The following PHF3 variants were observed in gnomAD, a reference collection of about 807,000 sequenced individuals.
PHF3 encodes the protein PHD finger protein 3.
Under a neutral mutation model 178.4 loss-of-function variants are expected in PHF3, and 41 were observed. That is an observed-to-expected ratio of 0.23 (90% CI 0.18 to 0.30). The LOEUF (loss-of-function observed/expected upper bound fraction) is 0.30, where lower values mean the gene tolerates loss of function less well. Among genes scored for constraint, PHF3 ranks in the 10% least tolerant of loss-of-function variants. The pLI is 1.00. For missense variants in PHF3, 2,346 were observed against 2,398.1 expected (o/e 0.98, Z 0.45); for synonymous variants, 842 against 800.5 (o/e 1.05, Z -0.88).
intron 14 of PHF3, among the ~76,000 whole-genome samples, chr6:63,709,741 A>G (rs938114995): frequency 1.3e-5 from 2 of 152,212 alleles, no homozygotes; most frequent in African/African-American, 2.4e-5. Context: ...ACCTAGTCAC[A>G]TAGCCATCCA....
rs781413781 is a variant in PHF3 at position 63,646,759 on chromosome 6, A to G, written c.208A>G (p.Ser70Gly). The G allele has an allele frequency of 4.5e-6, 7 of 1,570,622 alleles. No homozygotes were observed. The highest frequency in any genetic ancestry group is 6.0e-6 in the Non-Finnish European group (7 of 1,158,706). ...SNQFCLPVLD[S>G]NDPNFQMPCS... ...CCAGTTCTGTTTGCCTGTTTTGGATAGCAATGATCCCAATTTCCAGATGCC... is the reference window on the plus strand; with the variant it reads ...CCAGTTCTGTTTGCCTGTTTTGGATGGCAATGATCCCAATTTCCAGATGCC... Residue 70 changes from serine to glycine, a missense_variant, in exon 2 of 16, where the codon AGC becomes GGC. Physicochemically the swap from Ser to Gly is moderately conservative, Grantham distance 56. Around this residue, in one of 8 missense-constraint regions of PHF3, gnomAD observed 843 missense variants for 795.2 expected, o/e 1.06. Coordinates refer to ENST00000262043, the MANE Select transcript of PHF3 (RefSeq NM_001370348.2).
At chr6:63,679,108 T>A (rs1348675292) in intron 2 of PHF3, 1 of 154,104 alleles carries the variant, frequency 6.5e-6, no homozygotes, top group Non-Finnish European at 1.4e-5. Flanking sequence ...GTTTTTTTTT[T>A]TTTTTAAACG....
chr6:63,703,220 T>C (rs115260635), intron 10 of PHF3, among the ~76,000 whole-genome samples: 1,831 of 152,262 alleles, frequency 0.012, 29 homozygotes, highest in African/African-American at 0.042. Flanking sequence ...TTTGTAAGTG[T>C]TTCTTAGGCA....
intron 2 of PHF3, among the ~76,000 whole-genome samples, chr6:63,656,390 A>G (rs372959195): frequency 3.9e-5 from 6 of 152,122 alleles, no homozygotes; most frequent in African/African-American, 1.2e-4. Flanking sequence ...ATTCCATTGT[A>G]TTACTGAAAC....
At chr6:63,652,428 T>C (rs1765057107) in intron 2 of PHF3, among the ~76,000 whole-genome samples, 1 of 152,296 alleles carries the variant, frequency 6.6e-6, no homozygotes, top group East Asian at 1.9e-4. Flanking sequence ...CCTTATATAT[T>C]CTGGATATTA....
intron 13 of PHF3, among the ~76,000 whole-genome samples, chr6:63,707,978 G>A (rs1255070857): frequency 1.3e-5 from 2 of 151,894 alleles, no homozygotes; most frequent in African/African-American, 4.8e-5. Context: ...CCATTCTCCT[G>A]TCTCAGCCTC....
Position 63,698,281 on chromosome 6 carries a change from A to G in PHF3, c.2739A>G (p.Val913=). Residue 913 remains valine, a synonymous_variant, in exon 7 of 16, where the codon GTA becomes GTG. Transcript: ENST00000262043. ...KKKVEKGVLN[V]HPAASASKPS... ...AAGTTGAAAAAGGAGTGCTTAATGTACATCCTGCTGCTTCTGCTTCCAAGC... is the reference window on the plus strand; with the variant it reads ...AAGTTGAAAAAGGAGTGCTTAATGTGCATCCTGCTGCTTCTGCTTCCAAGC... The G allele has an allele frequency of 1.2e-6, 2 of 1,613,074 alleles. No individual in the cohort carries two copies. Among genetic ancestry groups the G allele is most frequent in the Non-Finnish European group, 8.5e-7 (1 of 1,179,226 alleles).
At chr6:63,665,597 T>C (rs1202025641) in intron 2 of PHF3, among the ~76,000 whole-genome samples, 1 of 151,762 alleles carries the variant, frequency 6.6e-6, no homozygotes, top group Non-Finnish European at 1.5e-5. Context: ...GCAATTCTTT[T>C]GCCTCAGCCA....
In PHF3 at chr6:63,691,718, T is replaced by C. The variant is rs780693027; in HGVS notation, c.2190-19T>C. 7 of 1,535,716 alleles carry C rather than the reference T, an allele frequency of 4.6e-6. No homozygotes were observed. The highest frequency in any genetic ancestry group is 2.1e-5 in the Admixed American group (1 of 46,620). The stretch of plus-strand genomic sequence containing the variant: ...TGTTAAAAAAAGGGATAAAAGTTTT[T>C]TGGTGTTCTGTTTTCCAGGTTTATG... On this transcript the variant is annotated intron_variant, in intron 4 of 15. Transcript: ENST00000262043.
intron 13 of PHF3, among the ~76,000 whole-genome samples, chr6:63,707,860 T>TTTGTTA (rs1767761221): frequency 1.3e-5 from 2 of 151,510 alleles, no homozygotes; most frequent in Non-Finnish European, 2.9e-5. Context: ...TGTTTTTGTT[T>TTTGTTA]TTGTTTTTGT....
chr6:63,718,449 TTAATGA>T lies in PHF3; in HGVS notation c.*4746_*4751del, dbSNP rs1768255638. 6.6e-6 allele frequency among the ~76,000 whole-genome samples: 1 copy of T among 152,180 alleles called. No individual in the cohort carries two copies. The highest frequency in any genetic ancestry group is 1.9e-4 in the East Asian group (1 of 5,184). Reference sequence around the variant, plus strand: ...AAATGATAAACGTTAAAAATATTTGTTAATGATAATCTCATCTGTTAATGTAACATT... The same window carrying T: ...AAATGATAAACGTTAAAAATATTTGTTAATCTCATCTGTTAATGTAACATT... On this transcript the variant is annotated 3_prime_UTR_variant, in exon 16 of 16. Transcript: ENST00000262043.
At chr6:63,650,406 C>T (rs1051745043) in intron 2 of PHF3, among the ~76,000 whole-genome samples, 2 of 152,148 alleles carry the variant, frequency 1.3e-5, no homozygotes, top group Non-Finnish European at 2.9e-5. Context: ...AGAGTTGATT[C>T]ATATTGTGTA....
rs144993766 is a variant in PHF3, at chr6:63,681,678, A to G, written c.406+1517A>G. On this transcript the variant is annotated intron_variant, in intron 3 of 15. Coordinates refer to ENST00000262043, the MANE Select transcript of PHF3 (RefSeq NM_001370348.2). ...TATCTTCTTTTGTCTTTATTAAGAT[A>G]CTAATGGCGTTTTAAACAGTTTTTG... is the stretch of plus-strand genomic sequence containing the variant. Among the ~76,000 whole-genome samples, 557 of 152,218 alleles carry G rather than the reference A, an allele frequency of 3.7e-3. 3 individuals are homozygous for G. Among genetic ancestry groups the G allele is most frequent in the Middle Eastern group, 6.8e-3 (2 of 294 alleles).
chr6:63,711,060 C>T, intron 14 of PHF3, 107 bp from the exon 15 acceptor site: 8 of 704,590 alleles, frequency 1.1e-5, no homozygotes, highest in South Asian at 5.4e-5. Context: ...TATTTGGTAC[C>T]ATCATTATAA....
chr6:63,701,687 T>A (rs1221804750), intron 9 of PHF3, among the ~76,000 whole-genome samples: 4 of 152,166 alleles, frequency 2.6e-5, no homozygotes, highest in Non-Finnish European at 5.9e-5. Flanking sequence ...ATATCATACT[T>A]CTTCATACAT....
Position 63,724,664 on chromosome 6 carries a change from AGAGATCT to A in PHF3, c.*10963_*10969del, listed in dbSNP as rs1211702602. Among the ~76,000 whole-genome samples, 2 of 152,168 alleles carry A rather than the reference AGAGATCT, an allele frequency of 1.3e-5. No individual in the cohort carries two copies. Among genetic ancestry groups the A allele is most frequent in the African/African-American group, 4.8e-5 (2 of 41,460 alleles). Reference sequence around the variant, plus strand: ...TTCTTTAAAATATCTTTCAAAAATCAGAGATCTGAGATCATCTAGTATAATTTTCAAG... The same window carrying A: ...TTCTTTAAAATATCTTTCAAAAATCAGAGATCATCTAGTATAATTTTCAAG... On this transcript the variant is annotated 3_prime_UTR_variant, in exon 16 of 16. Coordinates refer to ENST00000262043, the MANE Select transcript of PHF3 (RefSeq NM_001370348.2).
chr6:63,660,806 C>G (rs1490055248), intron 2 of PHF3, among the ~76,000 whole-genome samples: 2 of 152,208 alleles, frequency 1.3e-5, no homozygotes, highest in African/African-American at 4.8e-5. Flanking sequence ...ACCCCTACCT[C>G]TTAACTCGAC....
Position 63,709,159 on chromosome 6 carries a change from A to T in PHF3, c.3720A>T (p.Pro1240=). The T allele has an allele frequency of 6.4e-7, 1 of 1,573,852 alleles. No individual in the cohort carries two copies. The highest frequency in any genetic ancestry group is 8.7e-7 in the Non-Finnish European group (1 of 1,146,622). The change falls in exon 14 of 16, where the codon CCA becomes CCT. Residue 1240 remains proline (P), a synonymous_variant. Coordinates refer to ENST00000262043, the MANE Select transcript of PHF3 (RefSeq NM_001370348.2). ...TTTTTTTTTAACCATAGGACCTACC[A>T]GATAGTATTCAAGTAGGTGGCAGGA... The part of the protein sequence containing the change: ...GSPEYLTEDL[P]DSIQVGGRIS...
chr6:63,646,404 A>T (rs1469634865), intron 1 of PHF3, 123 bp from the exon 2 acceptor site: 7 of 558,836 alleles, frequency 1.3e-5, no homozygotes, highest in Non-Finnish European at 1.7e-5. Context: ...TTTTTTTTTT[A>T]AACAACAATT....
Sources: allele counts gnomAD v4.1 joint callset (sites outside exome capture counted in the v4.1 genomes callset), GRCh38; gene constraint gnomAD v4.1.1; regional missense constraint gnomAD v4.1.1; transcripts MANE v1.5; gene names NCBI Gene and HGNC (gene_info 2026-07-23, HGNC 2026-07-21).